CFAP251: variants seen among roughly 807,000 people sequenced by gnomAD.
The protein encoded by CFAP251 is cilia and flagella associated protein 251.
In CFAP251, 93 loss-of-function variants were observed where a neutral mutation model predicts 126.7. The ratio of observed to expected loss-of-function variants is 0.73; its 90% CI spans 0.62 to 0.87. The LOEUF (loss-of-function observed/expected upper bound fraction) is 0.87, where lower values mean the gene tolerates loss of function less well. Ranked by LOEUF, CFAP251 falls within the 40% of genes least tolerant of loss-of-function variation. The probability of loss-of-function intolerance (pLI) is 0.00; values close to 1 mark genes in which losing one functional copy is unlikely to be tolerated. For missense variants in CFAP251, 1,287 were observed against 1,389.2 expected (o/e 0.93, Z 1.17); for synonymous variants, 503 against 506.9 (o/e 0.99, Z 0.10).
intron 2 of CFAP251, 116 bp from the exon 3 acceptor site, chr12:121,923,506 A>T: frequency 7.4e-7 from 1 of 1,354,900 alleles, no homozygotes; most frequent in Non-Finnish European, 1.0e-6. Flanking sequence ...TTTAAAAAAC[A>T]TTTCATAATT....
chr12:121,991,276 T>C (rs1882868877), intron 19 of CFAP251, among the ~76,000 whole-genome samples: 1 of 152,238 alleles, frequency 6.6e-6, no homozygotes. Context: ...ATGAAAGCTC[T>C]GGCTACAGCT....
In CFAP251 at chr12:121,931,880, C is replaced by A. The variant is rs191696621; in HGVS notation, c.882C>A (p.His294Gln). ...IYNVFRNNQYHLQGHANIISC... is the reference protein window; with the variant it reads ...IYNVFRNNQYQLQGHANIISC... ...ACGTGTTCAGGAACAATCAATACCACCTTCAGGTATGCAGGGATTTCCTTC... is the reference window on the plus strand; with the variant it reads ...ACGTGTTCAGGAACAATCAATACCAACTTCAGGTATGCAGGGATTTCCTTC... Residue 294 changes from histidine to glutamine, a missense_variant, in exon 4 of 22, where the codon CAC becomes CAA. Transcript: ENST00000288912. The A allele has an allele frequency of 3.8e-5, 59 of 1,556,960 alleles. No homozygotes were observed. In the African/African-American group the frequency reaches 5.0e-4, roughly 13 times the overall value.
intron 3 of CFAP251, among the ~76,000 whole-genome samples, chr12:121,925,719 T>C (rs1376934069): frequency 6.6e-6 from 1 of 152,256 alleles, no homozygotes; most frequent in East Asian, 1.9e-4. Context: ...CACAGCTATC[T>C]GGACTTGGCA....
chr12:121,954,386 A>T, intron 10 of CFAP251, 52 bp downstream of exon 10: 2 of 1,493,210 alleles, frequency 1.3e-6, no homozygotes, highest in Non-Finnish European at 1.8e-6. Context: ...AAAATATTTT[A>T]AAATTGTTAT....
intron 19 of CFAP251, among the ~76,000 whole-genome samples, chr12:121,983,482 A>G (rs951560187): frequency 2.0e-5 from 3 of 152,238 alleles, no homozygotes; most frequent in African/African-American, 7.2e-5. Context: ...AATAAAGCTT[A>G]AACAACTTAT....
intron 7 of CFAP251, among the ~76,000 whole-genome samples, chr12:121,943,411 G>C (rs57735855): frequency 8.4e-4 from 128 of 152,174 alleles, no homozygotes; most frequent in African/African-American, 2.8e-3. Context: ...TTGTTTGTTT[G>C]TTTTGTTTTT....
chr12:121,931,896 G>T lies in CFAP251; in HGVS notation c.888+10G>T. On this transcript the variant is annotated intron_variant, in intron 4 of 21. Transcript: ENST00000288912. ...TCAATACCACCTTCAGGTATGCAGG[G>T]ATTTCCTTCCTACAGGTGGGGGAGT... The T allele has an allele frequency of 2.0e-6, 3 of 1,527,786 alleles. No homozygotes were observed. Among genetic ancestry groups the T allele is most frequent in the Non-Finnish European group, 2.6e-6 (3 of 1,138,978 alleles). 94.6% of individuals were successfully genotyped at this position (1,527,786 alleles called of 1,614,324 possible). A position where few individuals can be genotyped will look rare whatever the true frequency, so the allele number is the denominator to read the frequency against.
At chr12:121,988,129 AT>A (rs1418499776) in intron 19 of CFAP251, among the ~76,000 whole-genome samples, 2 of 151,958 alleles carry the variant, frequency 1.3e-5, no homozygotes, top group African/African-American at 4.8e-5. Context: ...ATTTTTAAAA[AT>A]ATTTCAAAAA....
chr12:121,966,882 C>A, intron 15 of CFAP251, 73 bp from the exon 16 acceptor site: 2 of 1,454,116 alleles, frequency 1.4e-6, no homozygotes, highest in Non-Finnish European at 9.5e-7. Context: ...CTGCGCCTGG[C>A]CCGACCAAAG....
In CFAP251 at chr12:121,989,333, G is replaced by A. The variant is rs1210905779; in HGVS notation, c.3007-10383G>A. On this transcript the variant is annotated intron_variant, in intron 19 of 21. Coordinates refer to ENST00000288912, the MANE Select transcript of CFAP251 (RefSeq NM_144668.6). The surrounding 1 kb of genome is among the most constrained non-coding windows in gnomAD (Gnocchi z 4.2). Reference sequence around the variant, plus strand: ...TGTTCACATGGAGTAGAAGACAGTGGGCAAGAGCACCAGGCCAGGCCTTGG... The same window carrying A: ...TGTTCACATGGAGTAGAAGACAGTGAGCAAGAGCACCAGGCCAGGCCTTGG... Among the ~76,000 whole-genome samples the A allele has an allele frequency of 6.6e-6, 1 of 152,210 alleles. No individual in the cohort carries two copies. Among genetic ancestry groups the A allele is most frequent in the Non-Finnish European group, 1.5e-5 (1 of 68,022 alleles).
rs1015908544 is a variant in CFAP251 at position 121,918,920 on chromosome 12, C to T, written c.-21+225C>T. ...ACCCCTGCCCCAAACCCCTGCGGCTCGAACCCGGCTGTCCAGACGCGCCGG... is the reference window on the plus strand; with the variant it reads ...ACCCCTGCCCCAAACCCCTGCGGCTTGAACCCGGCTGTCCAGACGCGCCGG... On this transcript the variant is annotated intron_variant, in intron 1 of 21. Coordinates refer to ENST00000288912, the MANE Select transcript of CFAP251 (RefSeq NM_144668.6). The surrounding 1 kb of genome is among the most constrained non-coding windows in gnomAD (Gnocchi z 4.3). Among the ~76,000 whole-genome samples, 7 of 152,204 alleles carry T rather than the reference C, an allele frequency of 4.6e-5. No homozygotes were observed. The highest frequency in any genetic ancestry group is 2.0e-4 in the Admixed American group (3 of 15,288).
intron 7 of CFAP251, chr12:121,948,381 T>A (rs1281314714): frequency 6.6e-6 from 1 of 152,226 alleles, no homozygotes; most frequent in Non-Finnish European, 1.5e-5. Context: ...TGTTCCAATT[T>A]ATTTTATTAT....
At chr12:121,985,253 G>A (rs1316297921) in intron 19 of CFAP251, among the ~76,000 whole-genome samples, 2 of 152,014 alleles carry the variant, frequency 1.3e-5, no homozygotes, top group African/African-American at 2.4e-5. Context: ...GTGTATCCTG[G>A]CCAGGCGCGG....
At chr12:121,928,091 G>A (rs1194191911) in intron 3 of CFAP251, among the ~76,000 whole-genome samples, 2 of 152,180 alleles carry the variant, frequency 1.3e-5, no homozygotes, top group Admixed American at 6.5e-5. Flanking sequence ...GTGGTGACCC[G>A]GGAAGAGCTG....
chr12:121,948,892 G>A, intron 7 of CFAP251, 92 bp from the exon 8 acceptor site: 1 of 732,056 alleles, frequency 1.4e-6, no homozygotes, highest in Non-Finnish European at 2.2e-6. Flanking sequence ...CTACTCATTT[G>A]TTTTAATTAA....
intron 1 of CFAP251, 70 bp from the exon 2 acceptor site, chr12:121,921,216 G>A: frequency 6.1e-6 from 9 of 1,468,182 alleles, no homozygotes; most frequent in Non-Finnish European, 8.2e-6. Flanking sequence ...TTCATCAGTA[G>A]GTTAGTGCAC....
chr12:121,922,399 C>G (rs1404175394), intron 2 of CFAP251, among the ~76,000 whole-genome samples: 1 of 152,126 alleles, frequency 6.6e-6, no homozygotes, highest in Admixed American at 6.6e-5. Context: ...CACCTGGCCA[C>G]AATCCATTCT....
At chr12:121,946,737 C>T (rs1469628497) in intron 7 of CFAP251, among the ~76,000 whole-genome samples, 1 of 151,854 alleles carries the variant, frequency 6.6e-6, no homozygotes. Context: ...GGCACCATCA[C>T]ACCTGGCTAA....
chr12:121,955,922 A>G (rs908629629), intron 10 of CFAP251: 1 of 152,206 alleles, frequency 6.6e-6, no homozygotes, highest in African/African-American at 2.4e-5. Flanking sequence ...ATACTTGGTC[A>G]GTATTGCTGC....
Sources: gnomAD v4.1 joint callset for allele counts (sites outside exome capture counted in the v4.1 genomes callset) on GRCh38, gnomAD v4.1.1 for gene constraint, Gnocchi (gnomAD v3.1) non-coding constraint, MANE v1.5 for transcripts, NCBI Gene and HGNC (gene_info 2026-07-23, HGNC 2026-07-21) for gene names.